The following HPSE2 variants were observed in gnomAD, a reference collection of about 807,000 sequenced individuals.
The protein encoded by HPSE2 is heparanase 2 (inactive).
A neutral mutation model predicts 60.5 loss-of-function variants in HPSE2; 38 were observed. That is an observed-to-expected ratio of 0.63 (90% confidence interval 0.48 to 0.82). The LOEUF (loss-of-function observed/expected upper bound fraction) is 0.82, where lower values mean the gene tolerates loss of function less well. HPSE2 is among the 40% of genes least tolerant of loss of function. HPSE2 has a pLI of 0.00. For missense variants in HPSE2, 713 were observed against 740.4 expected (o/e 0.96, Z 0.43); for synonymous variants, 295 against 293.2 (o/e 1.01, Z -0.06).
chr10:98,620,810 G>T, intron 7 of HPSE2, 102 bp from the exon 8 acceptor site: 2 of 825,104 alleles, frequency 2.4e-6, no homozygotes, highest in Non-Finnish European at 2.0e-6. Flanking sequence ...CTGATTTCCT[G>T]TTTTCAGGGG....
intron 9 of HPSE2, among the ~76,000 whole-genome samples, chr10:98,572,493 G>A (rs1944525302): frequency 1.3e-5 from 2 of 152,042 alleles, no homozygotes; most frequent in Admixed American, 1.3e-4. Flanking sequence ...ACGCTCATGT[G>A]CATTACGGAT....
At chr10:98,588,975 G>T (rs1253393374) in intron 9 of HPSE2, among the ~76,000 whole-genome samples, 4 of 152,178 alleles carry the variant, frequency 2.6e-5, no homozygotes, top group African/African-American at 9.7e-5. Context: ...TGTTGTTGTA[G>T]TTATTGTGAT....
At chr10:98,595,635 T>G (rs1945214511) in intron 9 of HPSE2, among the ~76,000 whole-genome samples, 1 of 152,226 alleles carries the variant, frequency 6.6e-6, no homozygotes, top group South Asian at 2.1e-4. Flanking sequence ...TATAAGATCA[T>G]GTCATCTGCA....
intron 2 of HPSE2, among the ~76,000 whole-genome samples, chr10:99,167,984 G>C (rs1847151495): frequency 6.7e-6 from 1 of 148,818 alleles, no homozygotes; most frequent in Non-Finnish European, 1.5e-5. Context: ...AGATTAGTTA[G>C]GGAAGTTCCT....
chr10:99,226,912 T>C (rs1222925870), intron 2 of HPSE2, among the ~76,000 whole-genome samples: 4 of 152,112 alleles, frequency 2.6e-5, no homozygotes, highest in African/African-American at 9.6e-5. Flanking sequence ...GGATAGCATC[T>C]TTTATTTATT....
intron 3 of HPSE2, among the ~76,000 whole-genome samples, chr10:99,033,341 T>C (rs1218641250): frequency 6.6e-6 from 1 of 152,100 alleles, no homozygotes; most frequent in Non-Finnish European, 1.5e-5. Flanking sequence ...GATTTCTAAG[T>C]TAAAATCCAA....
In HPSE2 at chr10:98,939,800, C is replaced by T. The variant is rs189329194; in HGVS notation, c.611-195744G>A. Among the ~76,000 whole-genome samples the T allele has an allele frequency of 1.8e-3, 260 of 144,198 alleles. 31 individuals are homozygous for T. In the Middle Eastern group the frequency reaches 0.025, roughly 14 times the overall value. The allele number at this position is 144,198 out of a possible 152,430, so 94.6% of individuals were successfully genotyped here. A position where few individuals can be genotyped will look rare whatever the true frequency, so the allele number is the denominator to read the frequency against. ...AAACATTCTTTTCAGCACCACACCA[C>T]ACCTATTCCAAAATTGACCACATAG... On this transcript the variant is annotated intron_variant, in intron 3 of 11. Coordinates refer to ENST00000370552, the MANE Select transcript of HPSE2 (RefSeq NM_021828.5).
At chr10:98,883,021 C>T (rs1019327152) in intron 3 of HPSE2, among the ~76,000 whole-genome samples, 4 of 151,950 alleles carry the variant, frequency 2.6e-5, no homozygotes, top group African/African-American at 9.7e-5. Context: ...GTCCTGTGAT[C>T]AATGTTTAAA....
chr10:99,239,655 C>T (rs190511567), upstream of HPSE2, among the ~76,000 whole-genome samples: 3 of 151,662 alleles, frequency 2.0e-5, no homozygotes, highest in Admixed American at 6.6e-5. Context: ...GTCTCAAACT[C>T]TTGAGCTCAG....
At chr10:98,822,054 A>T (rs1029340439) in intron 3 of HPSE2, among the ~76,000 whole-genome samples, 1 of 152,208 alleles carries the variant, frequency 6.6e-6, no homozygotes, top group Non-Finnish European at 1.5e-5. Context: ...CTATTACCAG[A>T]ATCTATATGT....
chr10:99,234,127 A>G (rs2133955717), intron 1 of HPSE2, among the ~76,000 whole-genome samples: 1 of 152,342 alleles, frequency 6.6e-6, no homozygotes, highest in East Asian at 1.9e-4. Flanking sequence ...CTGCTGCACG[A>G]AAGAGCTTTC....
At chr10:99,072,500 C>G (rs1345138809) in intron 3 of HPSE2, among the ~76,000 whole-genome samples, 1 of 152,102 alleles carries the variant, frequency 6.6e-6, no homozygotes, top group Admixed American at 6.5e-5. Flanking sequence ...GAGACATGAA[C>G]AGACACTTCT....
At chr10:98,518,620 T>C (rs1942681339) in intron 9 of HPSE2, among the ~76,000 whole-genome samples, 2 of 151,444 alleles carry the variant, frequency 1.3e-5, no homozygotes, top group Non-Finnish European at 1.5e-5. Context: ...GGCAGGAGAA[T>C]CGCTTGAACC....
intron 2 of HPSE2, among the ~76,000 whole-genome samples, chr10:99,215,689 C>T (rs1247328745): frequency 6.6e-6 from 1 of 152,108 alleles, no homozygotes; most frequent in African/African-American, 2.4e-5. Context: ...ATGAAATATC[C>T]AAAATAAGCA....
At chr10:98,834,771 G>T (rs1384745888) in intron 3 of HPSE2, among the ~76,000 whole-genome samples, 4 of 152,050 alleles carry the variant, frequency 2.6e-5, no homozygotes, top group African/African-American at 9.7e-5. Context: ...CAATGCAACA[G>T]ATTGAATGTA....
At chr10:98,973,493 T>A (rs1392333606) in intron 3 of HPSE2, among the ~76,000 whole-genome samples, 1 of 152,158 alleles carries the variant, frequency 6.6e-6, no homozygotes, top group African/African-American at 2.4e-5. Context: ...CTCAAAGAAT[T>A]TCCTGCCTGC....
In HPSE2 at chr10:98,591,435, G is replaced by T. The variant is rs1436047739; in HGVS notation, c.1320+23469C>A. On this transcript the variant is annotated intron_variant, in intron 9 of 11. Coordinates refer to ENST00000370552, the MANE Select transcript of HPSE2 (RefSeq NM_021828.5). Reference sequence around the variant, plus strand: ...CCCAGCACTTTGGGAGGCTGACAGGGGCAGATCACCTGAGGCTAGGAGTTC... The same window carrying T: ...CCCAGCACTTTGGGAGGCTGACAGGTGCAGATCACCTGAGGCTAGGAGTTC... Among the ~76,000 whole-genome samples, 3 of 152,272 alleles carry T rather than the reference G, an allele frequency of 2.0e-5. No homozygotes were observed. The East Asian group carries it at 5.8e-4, about 29-fold the overall frequency.
At chr10:99,092,990 G>T (rs570869113) in intron 3 of HPSE2, among the ~76,000 whole-genome samples, 1 of 152,174 alleles carries the variant, frequency 6.6e-6, no homozygotes, top group Non-Finnish European at 1.5e-5. Context: ...CAGCACTTTG[G>T]AGGTCGAAGT....
In HPSE2 at chr10:99,120,929, C is replaced by T. The variant is rs555837298; in HGVS notation, c.610+23309G>A. On this transcript the variant is annotated intron_variant, in intron 3 of 11. Coordinates refer to ENST00000370552, the MANE Select transcript of HPSE2 (RefSeq NM_021828.5). The stretch of plus-strand genomic sequence containing the variant: ...TCTCAAAGAGCTAAAAACAGAACTA[C>T]CATTCAACCCAGCAATCCCATTACT... 7.9e-4 allele frequency among the ~76,000 whole-genome samples: 120 copies of T among 152,246 alleles called. 1 individual carries two copies. Among genetic ancestry groups the T allele is most frequent in the African/African-American group, 2.7e-3 (113 of 41,536 alleles).
Sources: gnomAD v4.1 joint callset for allele counts (sites outside exome capture counted in the v4.1 genomes callset) on GRCh38, gnomAD v4.1.1 for gene constraint, MANE v1.5 for transcripts, NCBI Gene and HGNC (gene_info 2026-07-23, HGNC 2026-07-21) for gene names.